ZNF439: variants seen among roughly 807,000 people sequenced by gnomAD.
ZNF439 encodes zinc finger protein 439.
In ZNF439, 40 loss-of-function variants were observed where a neutral mutation model predicts 47.3. That is an observed-to-expected ratio of 0.85 (90% confidence interval 0.66 to 1.10). The LOEUF (loss-of-function observed/expected upper bound fraction) is 1.10, where lower values mean the gene tolerates loss of function less well. Ranked by LOEUF, ZNF439 falls within the 50% of genes least tolerant of loss-of-function variation. The pLI is 0.00. For missense variants in ZNF439, 556 were observed against 601.1 expected (o/e 0.93, Z 0.78); for synonymous variants, 171 against 198.8 (o/e 0.86, Z 1.18).
chr19:11,849,706 T>C (rs1161743808), intron 1 of ZNF439: 7 of 151,924 alleles, frequency 4.6e-5, no homozygotes, highest in Non-Finnish European at 1.5e-5. Context: ...TTGGAGGAGG[T>C]AGGAAGGAAT....
At position 11,866,237 on chromosome 19, in the gene ZNF439, C is replaced by G. The variant is rs566086929; in HGVS notation, c.96C>G (p.Asn32Lys). 2.5e-6 allele frequency: 4 copies of G among 1,614,148 alleles called. No individual in the cohort carries two copies. In the South Asian group the frequency reaches 4.4e-5, roughly 18 times the overall value. The change falls in exon 2 of 4, where the codon AAC becomes AAG. Residue 32 changes from asparagine to lysine, a missense_variant. Coordinates refer to ENST00000682736, the MANE Select transcript of ZNF439 (RefSeq NM_001348719.2). ...TGGCTTTTAAGGATGTGGCTGTGAACTTCACCCAGGAGGAGTGGGCTTTGC... is the reference window on the plus strand; with the variant it reads ...TGGCTTTTAAGGATGTGGCTGTGAAGTTCACCCAGGAGGAGTGGGCTTTGC... ...DPVAFKDVAV[N>K]FTQEEWALLD...
intron 1 of ZNF439, chr19:11,858,302 C>CA (rs33950344): frequency 0.24 from 33,716 of 140,024 alleles, 4,103 homozygotes; most frequent in Non-Finnish European, 0.3. Flanking sequence ...ACTAAAAATA[C>CA]AAAAAAAAAA....
At chr19:11,865,902 C>G in intron 1 of ZNF439, 1 of 569,702 alleles carries the variant, frequency 1.8e-6, no homozygotes, top group Non-Finnish European at 2.5e-6. Flanking sequence ...TGGTGCATGC[C>G]TGTAATCCCA....
rs773742800 is a variant in ZNF439 at position 11,868,360 on chromosome 19, A to C, written c.1306A>C (p.Thr436Pro). Residue 436 changes from threonine to proline, a missense_variant, in exon 4 of 4, where the codon ACT becomes CCT. Thr to Pro is a conservative substitution (Grantham distance 38). Coordinates refer to ENST00000682736, the MANE Select transcript of ZNF439 (RefSeq NM_001348719.2). Reference protein sequence around the residue: ...SAPNLQLHGRTHTGEKPYQCK... With the variant: ...SAPNLQLHGRPHTGEKPYQCK... ...CCCAAATCTTCAATTGCATGGTAGG[A>C]CTCACACTGGAGAGAAACCGTATCA... is the stretch of plus-strand genomic sequence containing the variant. The C allele has an allele frequency of 5.0e-6, 8 of 1,606,386 alleles. No homozygotes were observed. The highest frequency in any genetic ancestry group is 6.8e-6 in the Non-Finnish European group (8 of 1,173,860).
At chr19:11,860,701 A>G (rs1005715473) in intron 1 of ZNF439, among the ~76,000 whole-genome samples, 3 of 151,954 alleles carry the variant, frequency 2.0e-5, no homozygotes, top group African/African-American at 7.3e-5. Context: ...TGCCCTTCGT[A>G]TTTATTGATT....
intron 1 of ZNF439, chr19:11,849,324 A>C (rs1976165721): frequency 1.0e-6 from 1 of 991,982 alleles, no homozygotes; most frequent in South Asian, 4.4e-5. Flanking sequence ...GTACGTTAAC[A>C]AAAAGTTCAT....
Position 11,867,983 on chromosome 19 carries a change from A to G in ZNF439, c.929A>G (p.Lys310Arg), listed in dbSNP as rs372284376. The G allele has an allele frequency of 7.4e-6, 12 of 1,614,052 alleles. No homozygotes were observed. The change falls in exon 4 of 4, where the codon AAA (lysine) becomes AGA (arginine). Residue 310 changes from lysine (K) to arginine (R), a missense_variant. Transcript: ENST00000682736. ...EKAYQCKECG[K>R]AFMCPRYVRR... ...GCTTATCAATGTAAGGAATGTGGAA[A>G]AGCATTCATGTGTCCCCGTTATGTT...
intron 1 of ZNF439, among the ~76,000 whole-genome samples, chr19:11,852,603 A>G (rs1976279181): frequency 6.6e-6 from 1 of 152,082 alleles, no homozygotes; most frequent in South Asian, 2.1e-4. Context: ...TCCACCTCCT[A>G]GGTTCAAGTA....
chr19:11,868,896 C>T lies in ZNF439; in HGVS notation c.*327C>T. The T allele has an allele frequency of 2.7e-6, 1 of 363,688 alleles. No homozygotes were observed. The highest frequency in any genetic ancestry group is 5.4e-6 in the Non-Finnish European group (1 of 185,992). The allele number at this position is 363,688 out of a possible 1,614,324, so 22.5% of individuals were successfully genotyped here. On this transcript the variant is annotated 3_prime_UTR_variant, in exon 4 of 4. Coordinates refer to ENST00000682736, the MANE Select transcript of ZNF439 (RefSeq NM_001348719.2). Reference sequence around the variant, plus strand: ...TGAAAGTTGCACAGAGGAGAGGCGCCCTAAGAATGTAAGCATTGTGGGAAA... The same window carrying T: ...TGAAAGTTGCACAGAGGAGAGGCGCTCTAAGAATGTAAGCATTGTGGGAAA...
rs573166324 is a variant in ZNF439 at position 11,868,973 on chromosome 19, A to G, written c.*404A>G. 16 of 305,648 alleles carry G rather than the reference A, an allele frequency of 5.2e-5. No homozygotes were observed. Among genetic ancestry groups the G allele is most frequent in the African/African-American group, 3.6e-4 (16 of 44,264 alleles). The allele number at this position is 305,648 out of a possible 1,614,324, so 18.9% of individuals were successfully genotyped here. ...AATACATGCAAAACACACACTGGAG[A>G]GAAACCTATGAATGTAAGGAATGCA... is the stretch of plus-strand genomic sequence containing the variant. On this transcript the variant is annotated 3_prime_UTR_variant, in exon 4 of 4. Coordinates refer to ENST00000682736, the MANE Select transcript of ZNF439 (RefSeq NM_001348719.2).
Position 11,868,734 on chromosome 19 carries a change from G to A in ZNF439, c.*165G>A. ...GACTCACAGTGGAGAAAAACTCTATGAGTGTAAGCAATGTGGGAAAGTCTT... is the reference window on the plus strand; with the variant it reads ...GACTCACAGTGGAGAAAAACTCTATAAGTGTAAGCAATGTGGGAAAGTCTT... On this transcript the variant is annotated 3_prime_UTR_variant, in exon 4 of 4. Transcript: ENST00000682736. The A allele has an allele frequency of 1.3e-6, 1 of 774,190 alleles. No individual in the cohort carries two copies. Among genetic ancestry groups the A allele is most frequent in the East Asian group, 2.5e-5 (1 of 39,974 alleles). The allele number at this position is 774,190 out of a possible 1,614,324, so 48.0% of individuals were successfully genotyped here. A position where few individuals can be genotyped will look rare whatever the true frequency, so the allele number is the denominator to read the frequency against.
rs760480903 is a variant in ZNF439, at chr19:11,868,186, GA to G, written c.1138del (p.Thr380LeufsTer171). 3 of 1,613,866 alleles carry G rather than the reference GA, an allele frequency of 1.9e-6. No homozygotes were observed. The highest frequency in any genetic ancestry group is 2.7e-5 in the African/African-American group (2 of 74,854). On this transcript the variant is annotated frameshift_variant, in exon 4 of 4. Coordinates refer to ENST00000682736, the MANE Select transcript of ZNF439 (RefSeq NM_001348719.2). LOFTEE classifies it high-confidence loss of function. The stretch of plus-strand genomic sequence containing the variant: ...TTCTGCCAAGTCATTTCAAAGACAT[GA>G]AAAAACTCACAGTGGAGAGAAACCG... ...FYSAKSFQRH[E>X]KTHSGEKPYK...
chr19:11,853,535 G>T (rs1976306902), intron 1 of ZNF439, among the ~76,000 whole-genome samples: 1 of 152,160 alleles, frequency 6.6e-6, no homozygotes, highest in Non-Finnish European at 1.5e-5. Flanking sequence ...TGTCCCAGTA[G>T]ATAACCTCAA....
intron 1 of ZNF439, among the ~76,000 whole-genome samples, chr19:11,855,693 A>G (rs974202686): frequency 6.6e-6 from 1 of 152,188 alleles, no homozygotes; most frequent in Non-Finnish European, 1.5e-5. Flanking sequence ...CATATGCCCA[A>G]TATGTTTTTA....
chr19:11,850,566 C>G (rs1046009996), intron 1 of ZNF439: 1 of 151,866 alleles, frequency 6.6e-6, no homozygotes, highest in African/African-American at 2.4e-5. Context: ...ATAGCAATGA[C>G]CAAAACACAG....
chr19:11,849,227 G>A (rs1976161820), intron 1 of ZNF439: 2 of 1,041,144 alleles, frequency 1.9e-6, no homozygotes, highest in Non-Finnish European at 2.3e-6. Context: ...CGCGGATTTC[G>A]ACTCGGGTGT....
chr19:11,863,371 G>A (rs775832350), intron 1 of ZNF439, among the ~76,000 whole-genome samples: 25 of 151,606 alleles, frequency 1.6e-4, no homozygotes, highest in Non-Finnish European at 2.8e-4. Flanking sequence ...ATGTTAGCCA[G>A]GTTGGTCTCA....
chr19:11,851,686 G>A (rs907574887), intron 1 of ZNF439, among the ~76,000 whole-genome samples: 10 of 149,998 alleles, frequency 6.7e-5, no homozygotes, highest in Admixed American at 2.0e-4. Flanking sequence ...TTGAGGCAAT[G>A]TCTTGCTCTG....
chr19:11,866,506 T>C, intron 2 of ZNF439, 31 bp from the exon 3 acceptor site: 1 of 1,610,998 alleles, frequency 6.2e-7, no homozygotes, highest in Non-Finnish European at 8.5e-7. Flanking sequence ...TTATACTGCC[T>C]CAGGATTATT....
Sources: allele counts gnomAD v4.1 joint callset (sites outside exome capture counted in the v4.1 genomes callset), GRCh38; gene constraint gnomAD v4.1.1; transcripts MANE v1.5; gene names NCBI Gene and HGNC (gene_info 2026-07-23, HGNC 2026-07-21).